Variants in ACVRL1 observed in about 807,000 individuals in gnomAD.
ACVRL1 encodes the protein activin receptor type-1-like.
In ACVRL1, 20 loss-of-function variants were observed where a neutral mutation model predicts 51.9. The ratio of observed to expected loss-of-function variants is 0.39; its 90% CI spans 0.27 to 0.56. The LOEUF (loss-of-function observed/expected upper bound fraction) is 0.56, where lower values mean the gene tolerates loss of function less well. Among genes scored for constraint, ACVRL1 ranks in the 20% least tolerant of loss-of-function variants. ACVRL1 has a pLI of 0.67. For synonymous variants in ACVRL1, 288 were observed against 280.9 expected (o/e 1.03, Z -0.25); for missense variants, 451 against 670.3 (o/e 0.67, Z 3.61).
intron 1 of ACVRL1, among the ~76,000 whole-genome samples, chr12:51,912,104 G>A (rs1940702180): frequency 6.6e-6 from 1 of 152,194 alleles, no homozygotes; most frequent in South Asian, 2.1e-4. Flanking sequence ...AAGAGACACA[G>A]AACAGAAGGG....
intron 9 of ACVRL1, 79 bp downstream of exon 9, chr12:51,919,194 G>A (rs1382213457): frequency 6.2e-7 from 1 of 1,602,396 alleles, no homozygotes; most frequent in Non-Finnish European, 8.5e-7. Context: ...ACTTGTGTCT[G>A]AGGCCTCTGC....
In ACVRL1 at chr12:51,907,686, G is replaced by A. The variant is rs1940621346; in HGVS notation, c.-15G>A. On this transcript the variant is annotated 5_prime_UTR_variant, in exon 1 of 10. Coordinates refer to ENST00000388922, the MANE Select transcript of ACVRL1 (RefSeq NM_000020.3). This position sits in a 1 kb window ranked among gnomAD's most constrained non-coding sequence, Gnocchi z 4.5. ...GCTAGCGCCCCGCCACCCGCAGAGCGGGCCCAGAGGTGAGTCGAGGTCCGC... is the reference window on the plus strand; with the variant it reads ...GCTAGCGCCCCGCCACCCGCAGAGCAGGCCCAGAGGTGAGTCGAGGTCCGC... 6.6e-6 allele frequency: 1 copy of A among 152,150 alleles called. No homozygotes were observed. The highest frequency in any genetic ancestry group is 1.5e-5 in the Non-Finnish European group (1 of 68,000). 9.4% of individuals were successfully genotyped at this position (152,150 alleles called of 1,614,324 possible).
upstream of ACVRL1, chr12:51,907,363 G>C (rs1003385221): frequency 2.6e-5 from 4 of 152,288 alleles, no homozygotes; most frequent in African/African-American, 9.7e-5. The surrounding 1 kb of genome is among the most constrained non-coding windows in gnomAD (Gnocchi z 4.5). Flanking sequence ...GGTGGGTCCC[G>C]GTCCTGCAGC....
intron 7 of ACVRL1, 152 bp downstream of exon 7, chr12:51,915,652 G>T: frequency 9.3e-7 from 1 of 1,080,320 alleles, no homozygotes; most frequent in Admixed American, 2.7e-5. Context: ...CCCACGAGTT[G>T]TCTGAACACC....
At position 51,907,969 on chromosome 12, in the gene ACVRL1, C is replaced by G. The variant is rs1940628418; in HGVS notation, c.-6+274C>G. Among the ~76,000 whole-genome samples, 1 of 152,176 alleles carries G rather than the reference C, an allele frequency of 6.6e-6. No individual in the cohort carries two copies. Among genetic ancestry groups the G allele is most frequent in the African/African-American group, 2.4e-5 (1 of 41,446 alleles). ...TCAGTGACTTCACTTCTCTGTTCTC[C>G]TACCCTCTTCATAAAATGGGCAGTG... is the stretch of plus-strand genomic sequence containing the variant. On this transcript the variant is annotated intron_variant, in intron 1 of 9. Transcript: ENST00000388922. The surrounding 1 kb of genome is among the most constrained non-coding windows in gnomAD (Gnocchi z 4.5).
At position 51,907,941 on chromosome 12, in the gene ACVRL1, G is replaced by A. The variant is rs1940627886; in HGVS notation, c.-6+246G>A. The stretch of plus-strand genomic sequence containing the variant: ...AACTTGGTTCTAGTCGGGTGACCTG[G>A]GGTCAGTGACTTCACTTCTCTGTTC... On this transcript the variant is annotated intron_variant, in intron 1 of 9. Coordinates refer to ENST00000388922, the MANE Select transcript of ACVRL1 (RefSeq NM_000020.3). This position sits in a 1 kb window ranked among gnomAD's most constrained non-coding sequence, Gnocchi z 4.5. Among the ~76,000 whole-genome samples the A allele has an allele frequency of 6.6e-6, 1 of 152,182 alleles. No individual in the cohort carries two copies. The highest frequency in any genetic ancestry group is 2.4e-5 in the African/African-American group (1 of 41,440).
chr12:51,910,586 G>C (rs1448835132), intron 1 of ACVRL1, among the ~76,000 whole-genome samples: 1 of 152,156 alleles, frequency 6.6e-6, no homozygotes, highest in Non-Finnish European at 1.5e-5. Flanking sequence ...AGGAATGCCG[G>C]ATTTTAGCCT....
At chr12:51,920,670 C>A in intron 9 of ACVRL1, 89 bp from the exon 10 acceptor site, 1 of 1,467,624 alleles carries the variant, frequency 6.8e-7, no homozygotes, top group East Asian at 2.4e-5. Context: ...TCTGACCCAC[C>A]TCCCTCTGCA....
chr12:51,909,694 G>A (rs1188281897), intron 1 of ACVRL1, among the ~76,000 whole-genome samples: 1 of 151,878 alleles, frequency 6.6e-6, no homozygotes, highest in Non-Finnish European at 1.5e-5. Flanking sequence ...AGCAATTTAA[G>A]TTTATTAAGA....
rs142906906 is a variant in ACVRL1, at chr12:51,914,473, G to T, written c.660G>T (p.Leu220Phe). ...GCTATGGCGAAGTGTGGCGGGGCTT[G>T]TGGCACGGTGAGAGTGTGGCCGTCA... Reference protein sequence around the residue: ...KGRYGEVWRGLWHGESVAVKI... With the variant: ...KGRYGEVWRGFWHGESVAVKI... The change falls in exon 6 of 10, where the codon TTG (leucine) becomes TTT (phenylalanine). Residue 220 changes from leucine (L) to phenylalanine (F), a missense_variant. Around this residue, in one of 2 missense-constraint regions of ACVRL1, gnomAD observed 259 missense variants for 453.4 expected, o/e 0.57. Coordinates refer to ENST00000388922, the MANE Select transcript of ACVRL1 (RefSeq NM_000020.3). The T allele has an allele frequency of 4.3e-6, 7 of 1,614,174 alleles. No individual in the cohort carries two copies. Among genetic ancestry groups the T allele is most frequent in the Non-Finnish European group, 5.9e-6 (7 of 1,180,008 alleles).
rs771271988 is a variant in ACVRL1 at position 51,913,577 on chromosome 12, A to C, written c.332A>C (p.Glu111Ala). The change falls in exon 4 of 10, where the codon GAG becomes GCG. Residue 111 changes from glutamate (E) to alanine (A), a missense_variant. Transcript: ENST00000388922. The stretch of plus-strand genomic sequence containing the variant: ...CCCTCAGCCACCCAACCTCCTTCGG[A>C]GCAGCCGGGAACAGATGGCCAGCTG... ...LVLEATQPPS[E>A]QPGTDGQLAL... 1 of 1,598,736 alleles carries C rather than the reference A, an allele frequency of 6.3e-7. No individual in the cohort carries two copies. Among genetic ancestry groups the C allele is most frequent in the South Asian group, 1.1e-5 (1 of 90,894 alleles).
chr12:51,916,753 C>T (rs1204937077), intron 8 of ACVRL1, among the ~76,000 whole-genome samples: 1 of 152,230 alleles, frequency 6.6e-6, no homozygotes, highest in East Asian at 1.9e-4. Flanking sequence ...GCAGGCAGAT[C>T]ACCTGAGGTC....
chr12:51,909,138 C>T (rs954254338), intron 1 of ACVRL1, among the ~76,000 whole-genome samples: 5 of 152,112 alleles, frequency 3.3e-5, no homozygotes, highest in African/African-American at 1.2e-4. Context: ...GAGCCACTGC[C>T]GTTGATGGGA....
At position 51,914,716 on chromosome 12, in the gene ACVRL1, TTTTAATTTAATTTAA is replaced by T. The variant is rs55800652; in HGVS notation, c.772+165_772+179del. 2,890 of 316,188 alleles carry T rather than the reference TTTTAATTTAATTTAA, an allele frequency of 9.1e-3. 182 individuals are homozygous for T. Among genetic ancestry groups the T allele is most frequent in the African/African-American group, 0.049 (2,047 of 41,512 alleles). 19.6% of individuals were successfully genotyped at this position (316,188 alleles called of 1,614,324 possible). ...GCCCACCTGCAGCATCAACCTCTTT[TTTTAATTTAATTTAA>T]TTTAATTTAATTTAATTTAATTTAA... On this transcript the variant is annotated intron_variant, in intron 6 of 9. Coordinates refer to ENST00000388922, the MANE Select transcript of ACVRL1 (RefSeq NM_000020.3).
rs1281599964 is a variant in ACVRL1, at chr12:51,914,559, T to C, written c.746T>C (p.Val249Ala). ...WFRETEIYNT[V>A]LLRHDNILGF... Reference sequence around the variant, plus strand: ...CGGGAGACTGAGATCTATAACACAGTGTTGCTCAGACACGACAACATCCTA... The same window carrying C: ...CGGGAGACTGAGATCTATAACACAGCGTTGCTCAGACACGACAACATCCTA... The change falls in exon 6 of 10, where the codon GTG (valine) becomes GCG (alanine). Residue 249 changes from valine to alanine, a missense_variant. Transcript: ENST00000388922. 1 of 1,613,390 alleles carries C rather than the reference T, an allele frequency of 6.2e-7. No individual in the cohort carries two copies. The highest frequency in any genetic ancestry group is 8.5e-7 in the Non-Finnish European group (1 of 1,179,784).
In ACVRL1 at chr12:51,917,923, G is replaced by A. The variant is rs561977392; in HGVS notation, c.1247-1062G>A. On this transcript the variant is annotated intron_variant, in intron 8 of 9. Coordinates refer to ENST00000388922, the MANE Select transcript of ACVRL1 (RefSeq NM_000020.3). This position sits in a 1 kb window ranked among gnomAD's most constrained non-coding sequence, Gnocchi z 4.2. ...AACACTGTAATCTGGTGTCAGCCCCGGCACTGATTAAAGGCCCATTAGACA... is the reference window on the plus strand; with the variant it reads ...AACACTGTAATCTGGTGTCAGCCCCAGCACTGATTAAAGGCCCATTAGACA... 3.9e-5 allele frequency among the ~76,000 whole-genome samples: 6 copies of A among 152,280 alleles called. No homozygotes were observed. The highest frequency in any genetic ancestry group is 1.3e-4 in the Admixed American group (2 of 15,294).
chr12:51,915,980 C>T lies in ACVRL1; in HGVS notation c.1049-56C>T, dbSNP rs565320209. On this transcript the variant is annotated intron_variant, in intron 7 of 9. Transcript: ENST00000388922. The stretch of plus-strand genomic sequence containing the variant: ...TTTCTCTCAGTCCCCACCTTGCCTG[C>T]CCCCTGGATCCCAGGTTTGGGAGAG... 7 of 1,572,514 alleles carry T rather than the reference C, an allele frequency of 4.5e-6. No individual in the cohort carries two copies. The South Asian group carries it at 5.8e-5, about 13-fold the overall frequency.
In ACVRL1 at chr12:51,915,285, A is replaced by C; in HGVS notation, c.833A>C (p.His278Pro). ...AGCACGCAGCTGTGGCTCATCACGCACTACCACGAGCACGGCTCCCTCTAC... is the reference window on the plus strand; with the variant it reads ...AGCACGCAGCTGTGGCTCATCACGCCCTACCACGAGCACGGCTCCCTCTAC... Reference protein sequence around the residue: ...NSSTQLWLITHYHEHGSLYDF... With the variant: ...NSSTQLWLITPYHEHGSLYDF... The change falls in exon 7 of 10, where the codon CAC becomes CCC. Residue 278 changes from histidine to proline, a missense_variant. By Grantham distance (77) the His-to-Pro change is moderately conservative. Around this residue, in one of 2 missense-constraint regions of ACVRL1, gnomAD observed 259 missense variants for 453.4 expected, o/e 0.57. Transcript: ENST00000388922. 4 of 1,614,166 alleles carry C rather than the reference A, an allele frequency of 2.5e-6. No individual in the cohort carries two copies. Among genetic ancestry groups the C allele is most frequent in the Non-Finnish European group, 3.4e-6 (4 of 1,180,038 alleles).
At chr12:51,919,361 C>T (rs1359922220) in intron 9 of ACVRL1, 1 of 524,406 alleles carries the variant, frequency 1.9e-6, no homozygotes. Context: ...CTATCTGTGG[C>T]TCTGTGTGTG....
Sources: allele counts gnomAD v4.1 joint callset (sites outside exome capture counted in the v4.1 genomes callset), GRCh38; gene constraint gnomAD v4.1.1; regional missense constraint gnomAD v4.1.1; non-coding constraint Gnocchi (gnomAD v3.1); transcripts MANE v1.5; gene names NCBI Gene and HGNC (gene_info 2026-07-23, HGNC 2026-07-21).